Variants in BRAF observed in about 807,000 individuals in gnomAD.
BRAF encodes the protein serine/threonine-protein kinase B-raf.
Under a neutral mutation model 104.6 loss-of-function variants are expected in BRAF, and 16 were observed. The observed-to-expected ratio is 0.15, with a 90% CI of 0.10 to 0.23. The LOEUF (loss-of-function observed/expected upper bound fraction) is 0.23. Among genes scored for constraint, BRAF ranks in the 10% least tolerant of loss-of-function variants. The probability of loss-of-function intolerance (pLI) is 1.00; values close to 1 mark genes in which losing one functional copy is unlikely to be tolerated. For synonymous variants in BRAF, 310 were observed against 341.6 expected, an observed-to-expected ratio of 0.91 and a Z score of 1.02; for missense variants, 541 against 937.3, an observed-to-expected ratio of 0.58 and a Z score of 5.52.
At chr7:140,821,721 C>T (rs190416498) in intron 3 of BRAF, among the ~76,000 whole-genome samples, 2 of 152,226 alleles carry the variant, frequency 1.3e-5, no homozygotes, top group African/African-American at 4.8e-5. Context: ...ACCCAGCAGT[C>T]TCATTGCTCG....
At position 140,783,312 on chromosome 7, in the gene BRAF, C is replaced by T; in HGVS notation, c.1298-155G>A. The T allele has an allele frequency of 3.6e-6, 3 of 835,214 alleles. No homozygotes were observed. In the South Asian group the frequency reaches 5.6e-5, roughly 16 times the overall value. 51.7% of individuals were successfully genotyped at this position (835,214 alleles called of 1,614,324 possible). Reference sequence around the variant, plus strand: ...GAAAGGATGGGCCAAAAAGGGGCCTCATTTGGTGATTACAACTATAATTTC... The same window carrying T: ...GAAAGGATGGGCCAAAAAGGGGCCTTATTTGGTGATTACAACTATAATTTC... On this transcript the variant is annotated intron_variant, in intron 10 of 19. Coordinates refer to ENST00000644969, the MANE Select transcript of BRAF (RefSeq NM_001374258.1).
chr7:140,874,204 C>CTTT, intron 1 of BRAF, among the ~76,000 whole-genome samples: 1 of 137,654 alleles, frequency 7.3e-6, no homozygotes, highest in South Asian at 2.3e-4. Flanking sequence ...ATTTTACATA[C>CTTT]TTTTTTTTTT....
chr7:140,906,343 G>A (rs1053659322), intron 1 of BRAF, among the ~76,000 whole-genome samples: 1 of 151,802 alleles, frequency 6.6e-6, no homozygotes, highest in Non-Finnish European at 1.5e-5. Flanking sequence ...CTGGGGCTAT[G>A]GGCATGCACC....
At chr7:140,821,384 G>T (rs139226632) in intron 3 of BRAF, among the ~76,000 whole-genome samples, 1,450 of 143,370 alleles carry the variant, frequency 0.01, 25 homozygotes, top group African/African-American at 0.035. Flanking sequence ...ATTGCAACCT[G>T]TGCCTCCCAG....
intron 1 of BRAF, among the ~76,000 whole-genome samples, chr7:140,862,819 A>G (rs886217088): frequency 6.6e-6 from 1 of 152,176 alleles, no homozygotes; most frequent in Non-Finnish European, 1.5e-5. Flanking sequence ...ATACAACTCT[A>G]TGAATATATT....
chr7:140,792,830 A>C (rs1344934426), intron 8 of BRAF, among the ~76,000 whole-genome samples: 3 of 152,244 alleles, frequency 2.0e-5, no homozygotes, highest in Non-Finnish European at 4.4e-5. Flanking sequence ...AAGTGCTTGA[A>C]CATGAATAAA....
intron 8 of BRAF, among the ~76,000 whole-genome samples, chr7:140,791,445 G>T (rs1285704257): frequency 6.6e-6 from 1 of 152,110 alleles, no homozygotes; most frequent in Non-Finnish European, 1.5e-5. Context: ...GCTAGACTTA[G>T]GAAGAGCCAG....
intron 2 of BRAF, among the ~76,000 whole-genome samples, chr7:140,843,664 CAT>C (rs1246546006): frequency 1.3e-5 from 2 of 152,128 alleles, no homozygotes; most frequent in Admixed American, 1.3e-4. Context: ...ACAACACATA[CAT>C]ATATACACAT....
Position 140,908,930 on chromosome 7 carries a change from T to G in BRAF, c.138+15636A>C, listed in dbSNP as rs573432384. On this transcript the variant is annotated intron_variant, in intron 1 of 19. Coordinates refer to ENST00000644969, the MANE Select transcript of BRAF (RefSeq NM_001374258.1). ...ATTTATTTGGATTCTTGTTTATTCCTAGAATTTGGCCTGGCAGCTCCCCAC... is the reference window on the plus strand; with the variant it reads ...ATTTATTTGGATTCTTGTTTATTCCGAGAATTTGGCCTGGCAGCTCCCCAC... 2.6e-5 allele frequency among the ~76,000 whole-genome samples: 4 copies of G among 151,114 alleles called. 1 individual carries two copies. Among genetic ancestry groups the G allele is most frequent in the Non-Finnish European group, 5.9e-5 (4 of 67,710 alleles).
At chr7:140,739,745 A>G (rs1392999449) in intron 18 of BRAF, 67 bp downstream of exon 17, 1 of 1,593,720 alleles carries the variant, frequency 6.3e-7, no homozygotes, top group Non-Finnish European at 8.6e-7. Flanking sequence ...TGTGCCCAAA[A>G]AAGTGCTCAG....
chr7:140,879,683 C>T (rs115278346), intron 1 of BRAF, among the ~76,000 whole-genome samples: 2,208 of 151,128 alleles, frequency 0.015, 56 homozygotes, highest in African/African-American at 0.05. Context: ...TGGCTGCTGC[C>T]GGATCAAGTC....
Position 140,725,699 on chromosome 7 carries a change from GAAA to G in BRAF, c.*792_*794del. On this transcript the variant is annotated 3_prime_UTR_variant, in exon 20 of 20. Transcript: ENST00000644969. ...CCTGAGAATTTGCTACATTGTGGAG[GAAA>G]AAAAAAAAACCCAAACACTTATCTT... 1 of 890,916 alleles carries G rather than the reference GAAA, an allele frequency of 1.1e-6. No individual in the cohort carries two copies. The highest frequency in any genetic ancestry group is 1.4e-6 in the Non-Finnish European group (1 of 729,962). The allele number at this position is 890,916 out of a possible 1,614,324, so 55.2% of individuals were successfully genotyped here.
At chr7:140,913,913 T>C (rs939293295) in intron 1 of BRAF, among the ~76,000 whole-genome samples, 4 of 152,194 alleles carry the variant, frequency 2.6e-5, no homozygotes, top group Non-Finnish European at 4.4e-5. Flanking sequence ...TGAATCAGTA[T>C]GTTGCCACTT....
At chr7:140,772,734 C>T (rs1362234303) in intron 14 of BRAF, among the ~76,000 whole-genome samples, 2 of 152,044 alleles carry the variant, frequency 1.3e-5, no homozygotes, top group African/African-American at 4.8e-5. Context: ...GTTATGTGTT[C>T]CAATTAATTA....
Position 140,721,728 on chromosome 7 carries a change from T to C in BRAF, c.*4766A>G, listed in dbSNP as rs1317869306. On this transcript the variant is annotated 3_prime_UTR_variant, in exon 20 of 20. Transcript: ENST00000644969. Reference sequence around the variant, plus strand: ...ATGTGCTGGAGACAATACATGGACTTTCTCTTTCAATGGTGAGGAATGAAA... The same window carrying C: ...ATGTGCTGGAGACAATACATGGACTCTCTCTTTCAATGGTGAGGAATGAAA... 2 of 1,516,360 alleles carry C rather than the reference T, an allele frequency of 1.3e-6. No individual in the cohort carries two copies. The highest frequency in any genetic ancestry group is 1.8e-6 in the Non-Finnish European group (2 of 1,138,904). The allele number at this position is 1,516,360 out of a possible 1,614,324, so 93.9% of individuals were successfully genotyped here. A position where few individuals can be genotyped will look rare whatever the true frequency, so the allele number is the denominator to read the frequency against.
rs111605958 is a variant in BRAF, at chr7:140,837,754, T to C, written c.241-2882A>G. On this transcript the variant is annotated intron_variant, in intron 2 of 19. Transcript: ENST00000644969. ...AAAACAGTTATTCCAATCTTCCTAA[T>C]TCTTCTCTGGATCTTAACTTCATCC... 1.6e-3 allele frequency among the ~76,000 whole-genome samples: 240 copies of C among 152,328 alleles called. 3 individuals carry two copies. The South Asian group carries it at 0.027, about 17-fold the overall frequency.
At chr7:140,728,422 T>C (rs1795735955) in intron 19 of BRAF, among the ~76,000 whole-genome samples, 1 of 152,204 alleles carries the variant, frequency 6.6e-6, no homozygotes, top group Admixed American at 6.5e-5. Flanking sequence ...CTATTATCTC[T>C]TTCTATGCAT....
intron 17 of BRAF, among the ~76,000 whole-genome samples, chr7:140,742,485 C>A (rs1163795826): frequency 6.6e-6 from 1 of 152,170 alleles, no homozygotes; most frequent in Non-Finnish European, 1.5e-5. Flanking sequence ...TGAACCACCA[C>A]GCCCAGCCAA....
intron 14 of BRAF, among the ~76,000 whole-genome samples, chr7:140,771,621 C>A (rs1178788015): frequency 1.3e-5 from 2 of 152,128 alleles, no homozygotes; most frequent in East Asian, 3.9e-4. Context: ...GGTGAGCAGT[C>A]AGAAAAGATC....
Sources: gnomAD v4.1 joint callset for allele counts (sites outside exome capture counted in the v4.1 genomes callset) on GRCh38, gnomAD v4.1.1 for gene constraint, MANE v1.5 for transcripts, NCBI Gene and HGNC (gene_info 2026-07-23, HGNC 2026-07-21) for gene names.